The following RELN variants were observed in gnomAD, a reference collection of about 807,000 sequenced individuals.
The protein encoded by RELN is reelin.
Under a neutral mutation model 427.6 loss-of-function variants are expected in RELN, and 108 were observed. The observed-to-expected ratio is 0.25, with a 90% confidence interval of 0.22 to 0.30. RELN has a LOEUF of 0.30. Among genes scored for constraint, RELN ranks in the 10% least tolerant of loss-of-function variants. The pLI is 1.00. For missense variants in RELN, 3,715 were observed against 4,302.8 expected (o/e 0.86, Z 3.82); for synonymous variants, 1,524 against 1,513.4 (o/e 1.01, Z -0.16).
At chr7:103,807,984 C>A (rs1265544866) in intron 3 of RELN, among the ~76,000 whole-genome samples, 1 of 152,050 alleles carries the variant, frequency 6.6e-6, no homozygotes, top group Non-Finnish European at 1.5e-5. Context: ...CTTCTGAGAA[C>A]AGAGATAAGC....
At chr7:103,773,689 C>G (rs1791665080) in intron 4 of RELN, among the ~76,000 whole-genome samples, 1 of 151,842 alleles carries the variant, frequency 6.6e-6, no homozygotes, top group African/African-American at 2.4e-5. Context: ...AGGCTGGTCT[C>G]AAACTCCTGA....
chr7:103,572,939 C>T (rs1177780384), intron 30 of RELN, among the ~76,000 whole-genome samples: 1 of 151,680 alleles, frequency 6.6e-6, no homozygotes, highest in Non-Finnish European at 1.5e-5. Flanking sequence ...TGGTGGTTTG[C>T]TGCACCCATC....
rs1195900103 is a variant in RELN at position 103,523,453 on chromosome 7, A to G, written c.7428T>C (p.Tyr2476=). Residue 2476 remains tyrosine (Y), a synonymous_variant, in exon 47 of 65, where the codon TAT becomes TAC. Coordinates refer to ENST00000428762, the MANE Select transcript of RELN (RefSeq NM_005045.4). The part of the protein sequence containing the change: ...KQQTWAIDNV[Y]IGDGCIDMCS... Reference sequence around the variant, plus strand: ...ACATGTCTATGCAGCCATCCCCGATATAGACATTATCTATTGCCCATGTCT... The same window carrying G: ...ACATGTCTATGCAGCCATCCCCGATGTAGACATTATCTATTGCCCATGTCT... 6.2e-7 allele frequency: 1 copy of G among 1,614,100 alleles called. No individual in the cohort carries two copies. Among genetic ancestry groups the G allele is most frequent in the Non-Finnish European group, 8.5e-7 (1 of 1,180,014 alleles).
intron 49 of RELN, among the ~76,000 whole-genome samples, chr7:103,517,254 A>C (rs1374162027): frequency 7.5e-6 from 1 of 134,188 alleles, no homozygotes; most frequent in African/African-American, 3.4e-5. Context: ...TTTACATACT[A>C]TCCGAAATCT....
chr7:103,665,362 G>GTGTATA (rs1433748640), intron 11 of RELN, among the ~76,000 whole-genome samples: 14 of 90,940 alleles, frequency 1.5e-4, no homozygotes, highest in African/African-American at 4.9e-4. Flanking sequence ...GTGTGTGTGT[G>GTGTATA]TATATATATA....
At chr7:103,835,374 T>C (rs1793374973) in intron 2 of RELN, among the ~76,000 whole-genome samples, 1 of 152,180 alleles carries the variant, frequency 6.6e-6, no homozygotes, top group South Asian at 2.1e-4. Flanking sequence ...GGTGGATATG[T>C]GTCCTTATAA....
At chr7:103,558,931 A>G (rs1830583172) in intron 36 of RELN, among the ~76,000 whole-genome samples, 1 of 152,050 alleles carries the variant, frequency 6.6e-6, no homozygotes, top group Admixed American at 6.5e-5. Flanking sequence ...TTTAGCTAAA[A>G]GAGAACATTT....
intron 47 of RELN, 94 bp downstream of exon 47, chr7:103,523,297 C>G (rs1829751255): frequency 7.2e-6 from 10 of 1,386,690 alleles, no homozygotes; most frequent in Admixed American, 1.7e-5. Context: ...CTTAAGGAAG[C>G]ATGGGAGTGA....
chr7:103,566,766 TA>T lies in RELN; in HGVS notation c.4589-8del. The T allele has an allele frequency of 6.2e-7, 1 of 1,613,556 alleles. No homozygotes were observed. Among genetic ancestry groups the T allele is most frequent in the Non-Finnish European group, 8.5e-7 (1 of 1,179,502 alleles). ...GAATACTGAACAATAAGCCCTGAGT[TA>T]AAAGACATAAATCCAGTTATTTGGA... On this transcript the variant is annotated splice_region_variant and splice_polypyrimidine_tract_variant and intron_variant, in intron 31 of 64. Coordinates refer to ENST00000428762, the MANE Select transcript of RELN (RefSeq NM_005045.4).
At chr7:103,561,455 C>A in intron 36 of RELN, 77 bp downstream of exon 36, 2 of 1,103,310 alleles carry the variant, frequency 1.8e-6, no homozygotes, top group South Asian at 1.2e-5. Context: ...ATTCAGAAAT[C>A]CATTTGTGTT....
intron 10 of RELN, among the ~76,000 whole-genome samples, chr7:103,682,734 A>G (rs1325561264): frequency 6.6e-6 from 1 of 152,218 alleles, no homozygotes; most frequent in Non-Finnish European, 1.5e-5. Context: ...TAATCTAAAC[A>G]TGCAATGTAG....
chr7:103,604,499 A>G lies in RELN; in HGVS notation c.3009-16T>C, dbSNP rs1831767161. 6.2e-7 allele frequency: 1 copy of G among 1,613,746 alleles called. No homozygotes were observed. The highest frequency in any genetic ancestry group is 1.1e-5 in the South Asian group (1 of 91,086). ...AGCACTGGACCTAGAAACACGGTAT[A>G]GTATAACAAAAACGGTTTCAACCTT... On this transcript the variant is annotated splice_polypyrimidine_tract_variant and intron_variant, in intron 22 of 64. Coordinates refer to ENST00000428762, the MANE Select transcript of RELN (RefSeq NM_005045.4).
intron 4 of RELN, among the ~76,000 whole-genome samples, chr7:103,767,001 G>A (rs1457665515): frequency 6.6e-6 from 1 of 152,216 alleles, no homozygotes; most frequent in African/African-American, 2.4e-5. Flanking sequence ...CTGCTGTCAG[G>A]CCACTAAGCC....
At chr7:103,871,057 C>G (rs532068332) in intron 2 of RELN, among the ~76,000 whole-genome samples, 51 of 152,134 alleles carry the variant, frequency 3.4e-4, no homozygotes, top group African/African-American at 1.2e-3. Context: ...TGTTACACTG[C>G]CTGTTGTCCA....
intron 1 of RELN, among the ~76,000 whole-genome samples, chr7:103,951,526 A>G (rs560071134): frequency 1.4e-4 from 21 of 152,322 alleles, no homozygotes; most frequent in African/African-American, 5.1e-4. Context: ...TCCTGCTTTA[A>G]GAAGACCTTC....
chr7:103,951,299 T>G (rs968970625), intron 1 of RELN, among the ~76,000 whole-genome samples: 1 of 152,212 alleles, frequency 6.6e-6, no homozygotes, highest in African/African-American at 2.4e-5. Flanking sequence ...GATACTGTCT[T>G]TGAATTATAT....
chr7:103,581,828 T>C (rs538710387), intron 28 of RELN, among the ~76,000 whole-genome samples: 4 of 152,060 alleles, frequency 2.6e-5, no homozygotes, highest in African/African-American at 7.2e-5. Context: ...GAAGACTACA[T>C]GGAGAGAAAG....
At chr7:103,907,570 T>C (rs1795242067) in intron 2 of RELN, among the ~76,000 whole-genome samples, 1 of 150,310 alleles carries the variant, frequency 6.7e-6, no homozygotes, top group Non-Finnish European at 1.5e-5. Context: ...GAATAGAGAG[T>C]GACTGCTAAT....
At chr7:103,591,979 G>A (rs1458147120) in intron 27 of RELN, among the ~76,000 whole-genome samples, 1 of 151,960 alleles carries the variant, frequency 6.6e-6, no homozygotes, top group South Asian at 2.1e-4. Context: ...CTGATTTTTG[G>A]TCTCCCTCTA....
Sources: gnomAD v4.1 joint callset for allele counts (sites outside exome capture counted in the v4.1 genomes callset) on GRCh38, gnomAD v4.1.1 for gene constraint, MANE v1.5 for transcripts, NCBI Gene and HGNC (gene_info 2026-07-23, HGNC 2026-07-21) for gene names.